Variants in TMEM108 observed in about 807,000 individuals in gnomAD.
TMEM108 encodes cancer/testis antigen 124.
TMEM108 carries 12 observed loss-of-function variants against 35.1 expected under a neutral mutation model. That is an observed-to-expected ratio of 0.34 (90% confidence interval 0.22 to 0.55). The LOEUF is 0.55. TMEM108 is among the 20% of genes least tolerant of loss of function. TMEM108 has a pLI of 0.89. For missense variants in TMEM108, 680 were observed against 753.3 expected (o/e 0.90, Z 1.14); for synonymous variants, 287 against 308.6 (o/e 0.93, Z 0.73).
At chr3:133,239,618 A>C (rs1946285644) in intron 3 of TMEM108, among the ~76,000 whole-genome samples, 3 of 152,178 alleles carry the variant, frequency 2.0e-5, no homozygotes, top group Non-Finnish European at 2.9e-5. Flanking sequence ...AACACTGATC[A>C]CTGGGCCACC....
intron 3 of TMEM108, among the ~76,000 whole-genome samples, chr3:133,359,169 C>T (rs549807742): frequency 2.7e-4 from 41 of 152,270 alleles, no homozygotes; most frequent in African/African-American, 9.9e-4. Flanking sequence ...CCATAAGTGC[C>T]TCCCTGAGAG....
At chr3:133,190,721 G>C (rs1424306528) in intron 2 of TMEM108, among the ~76,000 whole-genome samples, 1 of 152,154 alleles carries the variant, frequency 6.6e-6, no homozygotes, top group Admixed American at 6.5e-5. Flanking sequence ...AAAGCAGCAG[G>C]TCAGGGGCTG....
At chr3:133,097,074 G>C (rs1022602499) in intron 2 of TMEM108, among the ~76,000 whole-genome samples, 4 of 152,212 alleles carry the variant, frequency 2.6e-5, no homozygotes, top group African/African-American at 9.7e-5. Flanking sequence ...ATGTTGTTAA[G>C]TTCTGTAGAG....
chr3:133,263,152 G>T (rs1352140134), intron 3 of TMEM108, among the ~76,000 whole-genome samples: 3 of 152,208 alleles, frequency 2.0e-5, no homozygotes, highest in Admixed American at 6.5e-5. Context: ...ACAACCTTGT[G>T]TGGTGAACTG....
At chr3:133,312,049 A>G (rs62337103) in intron 3 of TMEM108, among the ~76,000 whole-genome samples, 4 of 152,222 alleles carry the variant, frequency 2.6e-5, no homozygotes, top group Non-Finnish European at 5.9e-5. Flanking sequence ...AGAGGCTGCA[A>G]AACAGCAAAT....
At chr3:133,348,788 G>A (rs2071898309) in intron 3 of TMEM108, among the ~76,000 whole-genome samples, 1 of 152,162 alleles carries the variant, frequency 6.6e-6, no homozygotes, top group Non-Finnish European at 1.5e-5. Context: ...AAGTCTTCAA[G>A]AGGGGACCTG....
chr3:133,050,447 C>A lies in TMEM108; in HGVS notation c.-47+4427C>A, dbSNP rs552822788. Among the ~76,000 whole-genome samples, 130 of 152,244 alleles carry A rather than the reference C, an allele frequency of 8.5e-4. 1 individual carries two copies. The highest frequency in any genetic ancestry group is 4.6e-4 in the Non-Finnish European group (31 of 67,996). ...CTCCCTATACATGCATGGCCTCCCC[C>A]AATGTCAGCATCACCCACCAGAATG... On this transcript the variant is annotated intron_variant, in intron 2 of 5. Coordinates refer to ENST00000321871, the MANE Select transcript of TMEM108 (RefSeq NM_023943.4).
intron 2 of TMEM108, among the ~76,000 whole-genome samples, chr3:133,184,371 A>T (rs981187172): frequency 6.6e-6 from 1 of 152,210 alleles, no homozygotes; most frequent in Admixed American, 6.5e-5. Flanking sequence ...TTGGTTTTCC[A>T]ATTAGAGTTT....
intron 2 of TMEM108, among the ~76,000 whole-genome samples, chr3:133,195,110 A>G (rs980242070): frequency 1.3e-5 from 2 of 152,230 alleles, no homozygotes; most frequent in African/African-American, 4.8e-5. Context: ...TGTTTGCTCT[A>G]TGTGGAAGAA....
At chr3:133,212,759 G>A (rs1408964400) in intron 2 of TMEM108, among the ~76,000 whole-genome samples, 3 of 151,620 alleles carry the variant, frequency 2.0e-5, no homozygotes, top group Admixed American at 1.3e-4. Flanking sequence ...CCAGCTATTC[G>A]GGAGGCTGAG....
At chr3:133,388,242 A>T (rs563754502) in intron 4 of TMEM108, 1 of 985,496 alleles carries the variant, frequency 1.0e-6, no homozygotes, top group South Asian at 4.7e-5. Context: ...CTGCAGGAGC[A>T]GAGTGAAAGG....
At chr3:133,202,099 T>C (rs776354087) in intron 2 of TMEM108, among the ~76,000 whole-genome samples, 3 of 152,264 alleles carry the variant, frequency 2.0e-5, no homozygotes, top group Non-Finnish European at 2.9e-5. Context: ...AAATGTCTTC[T>C]TTTGATAAGT....
intron 2 of TMEM108, among the ~76,000 whole-genome samples, chr3:133,207,544 G>A (rs530513785): frequency 1.2e-4 from 18 of 152,166 alleles, no homozygotes; most frequent in Middle Eastern, 3.4e-3. Context: ...TTTAGGTTCT[G>A]GATGAGAGGT....
At chr3:133,084,908 C>A (rs566608008) in intron 2 of TMEM108, among the ~76,000 whole-genome samples, 1 of 152,240 alleles carries the variant, frequency 6.6e-6, no homozygotes, top group Non-Finnish European at 1.5e-5. Flanking sequence ...TTCTCCAGGA[C>A]ACGCAGTGAG....
At chr3:133,060,764 T>G (rs190485879) in intron 2 of TMEM108, among the ~76,000 whole-genome samples, 2 of 152,344 alleles carry the variant, frequency 1.3e-5, no homozygotes, top group Admixed American at 1.3e-4. Flanking sequence ...GACCCAGCAA[T>G]TCAGCTTCTA....
intron 3 of TMEM108, among the ~76,000 whole-genome samples, chr3:133,293,362 C>T (rs1947099600): frequency 6.6e-6 from 1 of 150,444 alleles, no homozygotes; most frequent in African/African-American, 2.4e-5. Context: ...AAGCCTAACA[C>T]AGAGCCTGGC....
chr3:133,242,141 T>A (rs895856914), intron 3 of TMEM108, among the ~76,000 whole-genome samples: 6 of 152,198 alleles, frequency 3.9e-5, no homozygotes, highest in African/African-American at 1.4e-4. Context: ...GGATAATCTA[T>A]CATAAGCTCA....
intron 3 of TMEM108, among the ~76,000 whole-genome samples, chr3:133,322,216 C>G (rs983900454): frequency 2.0e-5 from 3 of 151,748 alleles, no homozygotes; most frequent in Non-Finnish European, 4.4e-5. Context: ...AAAAAAAATA[C>G]AAAAGATAAA....
chr3:133,208,543 G>C (rs1379479297), intron 2 of TMEM108, among the ~76,000 whole-genome samples: 1 of 152,138 alleles, frequency 6.6e-6, no homozygotes, highest in Non-Finnish European at 1.5e-5. Context: ...ATTGATTTGG[G>C]AAGATTGTGC....
Sources: gnomAD v4.1 joint callset for allele counts (sites outside exome capture counted in the v4.1 genomes callset) on GRCh38, gnomAD v4.1.1 for gene constraint, MANE v1.5 for transcripts, NCBI Gene and HGNC (gene_info 2026-07-23, HGNC 2026-07-21) for gene names.